CFAP95: variants seen among roughly 807,000 people sequenced by gnomAD.
The protein encoded by CFAP95 is cilia and flagella associated protein 95.
the CFAP95 span, among the ~76,000 whole-genome samples, chr9:69,839,161 TC>T: frequency 4.6e-5 from 4 of 87,294 alleles, no homozygotes; most frequent in African/African-American, 1.7e-4. Flanking sequence ...GATTTTTGCA[TC>T]AATGTTCATC....
the CFAP95 span, among the ~76,000 whole-genome samples, chr9:69,891,829 C>A: frequency 1.3e-5 from 2 of 152,074 alleles, no homozygotes; most frequent in Non-Finnish European, 2.9e-5. Flanking sequence ...ATTCTTAACC[C>A]TCCTGAAATT....
At chr9:69,901,521 C>T in the CFAP95 span, among the ~76,000 whole-genome samples, 2,750 of 148,544 alleles carry the variant, frequency 0.019, 82 homozygotes, top group African/African-American at 0.065. Context: ...GACATGAACT[C>T]ATCCTTTTTA....
chr9:69,884,553 C>T, the CFAP95 span: 1 of 152,130 alleles, frequency 6.6e-6, no homozygotes, highest in Non-Finnish European at 1.5e-5. Context: ...ACCCCATAGG[C>T]ATACAGCACT....
the CFAP95 span, chr9:69,821,038 G>C: frequency 1.2e-6 from 2 of 1,612,296 alleles, no homozygotes; most frequent in Non-Finnish European, 8.5e-7. Context: ...CCTGGTGAGC[G>C]AAGTCCCCTC....
At chr9:69,849,890 T>C in the CFAP95 span, among the ~76,000 whole-genome samples, 1 of 152,336 alleles carries the variant, frequency 6.6e-6, no homozygotes, top group South Asian at 2.1e-4. Context: ...TTCTAAACTA[T>C]AGTCTTTTAC....
the CFAP95 span, among the ~76,000 whole-genome samples, chr9:69,868,873 A>T: frequency 6.6e-6 from 1 of 152,076 alleles, no homozygotes; most frequent in Admixed American, 6.6e-5. Flanking sequence ...GAAGACATAC[A>T]AATGGCCAAC....
the CFAP95 span, among the ~76,000 whole-genome samples, chr9:69,884,159 T>C: frequency 1.3e-5 from 2 of 152,220 alleles, no homozygotes; most frequent in Admixed American, 1.3e-4. Flanking sequence ...CACTGGTCAC[T>C]GAGAAGTACA....
chr9:69,876,933 C>T, the CFAP95 span, among the ~76,000 whole-genome samples: 1 of 152,172 alleles, frequency 6.6e-6, no homozygotes, highest in Non-Finnish European at 1.5e-5. Context: ...CTGCACCCAG[C>T]CTTTTGGTTA....
the CFAP95 span, among the ~76,000 whole-genome samples, chr9:69,893,513 G>A: frequency 8.8e-3 from 1,344 of 152,188 alleles, 22 homozygotes; most frequent in African/African-American, 0.03. Context: ...TTGTATCTTT[G>A]CTTCATTCCA....
chr9:69,876,800 A>G, the CFAP95 span, among the ~76,000 whole-genome samples: 1 of 151,846 alleles, frequency 6.6e-6, no homozygotes, highest in Non-Finnish European at 1.5e-5. Context: ...ACGCCTGGCT[A>G]ATTTTTGTAT....
the CFAP95 span, among the ~76,000 whole-genome samples, chr9:69,865,038 A>G: frequency 6.6e-6 from 1 of 152,142 alleles, no homozygotes; most frequent in Non-Finnish European, 1.5e-5. Flanking sequence ...ATGTCAAGGC[A>G]AAGACTGGGT....
the CFAP95 span, among the ~76,000 whole-genome samples, chr9:69,861,591 A>C: frequency 6.6e-6 from 1 of 152,100 alleles, no homozygotes; most frequent in South Asian, 2.1e-4. Flanking sequence ...TGTTTTTCAG[A>C]TAGCTCTCCC....
chr9:69,843,508 TCCTCCTC>T, the CFAP95 span, among the ~76,000 whole-genome samples: 2 of 816 alleles, frequency 2.5e-3, no homozygotes, highest in Non-Finnish European at 5.5e-3. Flanking sequence ...CCTCCCCCCC[TCCTCCTC>T]CTCCTCCTCC....
the CFAP95 span, chr9:69,902,390 T>C: frequency 2.2e-6 from 1 of 448,458 alleles, no homozygotes. Context: ...CTCAAAACTG[T>C]GAGTGGGATT....
chr9:69,850,900 C>T, the CFAP95 span, among the ~76,000 whole-genome samples: 6 of 152,058 alleles, frequency 3.9e-5, no homozygotes, highest in Non-Finnish European at 5.9e-5. Context: ...TTAGGAATTC[C>T]GTATCAATTT....
At chr9:69,891,952 C>G in the CFAP95 span, among the ~76,000 whole-genome samples, 1 of 152,146 alleles carries the variant, frequency 6.6e-6, no homozygotes, top group African/African-American at 2.4e-5. Context: ...TTCTGTATAA[C>G]AGCTGTCATC....
chr9:69,893,014 T>C, the CFAP95 span, among the ~76,000 whole-genome samples: 4 of 152,350 alleles, frequency 2.6e-5, no homozygotes, highest in Middle Eastern at 6.8e-3. Context: ...TGATTCTTCC[T>C]GGACACTGAA....
chr9:69,904,196 C>T, the CFAP95 span, among the ~76,000 whole-genome samples: 1,643 of 152,276 alleles, frequency 0.011, 33 homozygotes, highest in African/African-American at 0.036. Flanking sequence ...TATCTATTAA[C>T]AGTCACTCCC....
chr9:69,879,498 T>C, the CFAP95 span, among the ~76,000 whole-genome samples: 1 of 152,104 alleles, frequency 6.6e-6, no homozygotes, highest in Non-Finnish European at 1.5e-5. Flanking sequence ...AAGCTATACG[T>C]ATTTATGAGG....
Sources: allele counts gnomAD v4.1 joint callset (sites outside exome capture counted in the v4.1 genomes callset), GRCh38; gene constraint gnomAD v4.1.1; transcripts MANE v1.5; gene names NCBI Gene and HGNC (gene_info 2026-07-23, HGNC 2026-07-21).